CHIC2: variants seen among roughly 807,000 people sequenced by gnomAD.
The protein encoded by CHIC2 is cysteine-rich hydrophobic domain-containing protein 2.
Under a neutral mutation model 25.9 loss-of-function variants are expected in CHIC2, and 14 were observed. The ratio of observed to expected loss-of-function variants is 0.54; its 90% confidence interval spans 0.36 to 0.85. The LOEUF (loss-of-function observed/expected upper bound fraction) is 0.85, where lower values mean the gene tolerates loss of function less well. CHIC2 is among the 40% of genes least tolerant of loss of function. The pLI is 0.01. For missense variants in CHIC2, 146 were observed against 202.0 expected, an observed-to-expected ratio of 0.72 and a Z score of 1.68; for synonymous variants, 70 against 72.0, an observed-to-expected ratio of 0.97 and a Z score of 0.14.
intron 3 of CHIC2, among the ~76,000 whole-genome samples, chr4:54,030,320 C>T (rs1232488974): frequency 2.0e-5 from 3 of 151,800 alleles, no homozygotes; most frequent in Non-Finnish European, 2.9e-5. Flanking sequence ...GAGTTAAAGA[C>T]CAGCTGGGGT....
At chr4:54,080,130 ATATATATGTG>A in the CHIC2 span, among the ~76,000 whole-genome samples, 2 of 148,960 alleles carry the variant, frequency 1.3e-5, no homozygotes, top group Non-Finnish European at 3.0e-5. Context: ...ATATATACAT[ATATATATGTG>A]TATATATGTG....
chr4:54,035,126 T>C (rs563273635), intron 3 of CHIC2, among the ~76,000 whole-genome samples: 1 of 152,212 alleles, frequency 6.6e-6, no homozygotes, highest in Non-Finnish European at 1.5e-5. Flanking sequence ...CATGTTTTTG[T>C]TGGACTTGAT....
chr4:54,061,408 C>T (rs1560399569), intron 1 of CHIC2, among the ~76,000 whole-genome samples: 1 of 152,026 alleles, frequency 6.6e-6, no homozygotes, highest in Non-Finnish European at 1.5e-5. Context: ...CTGTGAAAAA[C>T]ATATGGATTG....
chr4:54,075,092 G>A, the CHIC2 span, among the ~76,000 whole-genome samples: 1 of 152,184 alleles, frequency 6.6e-6, no homozygotes, highest in South Asian at 2.1e-4. Flanking sequence ...CTGGGCAACA[G>A]AGTGAGACCC....
intron 3 of CHIC2, among the ~76,000 whole-genome samples, chr4:54,040,913 A>G (rs1350022705): frequency 6.6e-6 from 1 of 151,642 alleles, no homozygotes; most frequent in African/African-American, 2.4e-5. Flanking sequence ...AGAACAGAAT[A>G]AAAACAAGGT....
At chr4:54,060,868 G>A (rs957115487) in intron 1 of CHIC2, 7 of 152,074 alleles carry the variant, frequency 4.6e-5, no homozygotes, top group African/African-American at 1.7e-4. Context: ...TTAATTGAAT[G>A]GTGACTGTAA....
chr4:54,014,119 T>C lies in CHIC2; in HGVS notation c.331A>G (p.Thr111Ala), dbSNP rs765676146. The change falls in exon 4 of 6, where the codon ACA becomes GCA. Residue 111 changes from threonine (T) to alanine (A), a missense_variant and splice_region_variant. Physicochemically the swap from Thr to Ala is moderately conservative, Grantham distance 58 (BLOSUM62 0). Coordinates refer to ENST00000263921, the MANE Select transcript of CHIC2 (RefSeq NM_012110.4). ...MWPVICLSKR[T>A]RRSIEKLLEW... The stretch of plus-strand genomic sequence containing the variant: ...AATAACTTCTCAATCGATCTTCGTG[T>C]CTGGAAGACAAATGAGAAAAAAGTT... The C allele has an allele frequency of 1.2e-6, 2 of 1,613,124 alleles. No individual in the cohort carries two copies. The highest frequency in any genetic ancestry group is 2.2e-5 in the East Asian group (1 of 44,852).
chr4:54,076,795 A>G, the CHIC2 span: 1 of 152,272 alleles, frequency 6.6e-6, no homozygotes, highest in Non-Finnish European at 1.5e-5. Flanking sequence ...CTATGATTCC[A>G]TGAAAGATTT....
chr4:54,045,704 G>A (rs1230587822), intron 3 of CHIC2, among the ~76,000 whole-genome samples: 10 of 144,708 alleles, frequency 6.9e-5, no homozygotes, highest in East Asian at 2.1e-4. Flanking sequence ...TACTGAATGG[G>A]CAAAAACTGG....
chr4:54,052,076 G>A (rs537412490), intron 1 of CHIC2, among the ~76,000 whole-genome samples: 13 of 152,228 alleles, frequency 8.5e-5, no homozygotes, highest in African/African-American at 2.9e-4. Context: ...ATTTGGCACA[G>A]GCCACAGCAA....
intron 5 of CHIC2, among the ~76,000 whole-genome samples, chr4:54,012,158 C>T (rs1350821650): frequency 2.6e-5 from 4 of 151,706 alleles, no homozygotes; most frequent in African/African-American, 2.4e-5. Context: ...TGCTATGTTA[C>T]CCAAACTGTC....
the CHIC2 span, among the ~76,000 whole-genome samples, chr4:54,091,873 C>A: frequency 6.6e-6 from 1 of 152,226 alleles, no homozygotes; most frequent in African/African-American, 2.4e-5. Context: ...TGCGCGCAGA[C>A]ACACTCAAGG....
intron 3 of CHIC2, among the ~76,000 whole-genome samples, chr4:54,019,569 G>C (rs988244609): frequency 1.6e-4 from 25 of 152,078 alleles, no homozygotes; most frequent in African/African-American, 6.0e-4. Context: ...AGGTTATACT[G>C]GTTATGAATT....
chr4:54,023,610 T>A (rs1030920099), intron 3 of CHIC2, among the ~76,000 whole-genome samples: 1 of 152,106 alleles, frequency 6.6e-6, no homozygotes, highest in African/African-American at 2.4e-5. Context: ...CCCATCCTGA[T>A]CACACTCAGT....
chr4:54,015,184 T>C (rs932828685), intron 3 of CHIC2, among the ~76,000 whole-genome samples: 1 of 152,144 alleles, frequency 6.6e-6, no homozygotes, highest in African/African-American at 2.4e-5. Flanking sequence ...GTCACATAGA[T>C]GCCAATTATA....
chr4:54,091,636 A>G, the CHIC2 span, among the ~76,000 whole-genome samples: 21 of 152,176 alleles, frequency 1.4e-4, no homozygotes, highest in African/African-American at 4.6e-4. Flanking sequence ...ATCACCACTA[A>G]AGAACCTATC....
At chr4:54,082,352 A>G in the CHIC2 span, among the ~76,000 whole-genome samples, 1 of 152,236 alleles carries the variant, frequency 6.6e-6, no homozygotes, top group Non-Finnish European at 1.5e-5. Context: ...AGCCAGGACC[A>G]GGCCCTAAAC....
At chr4:54,080,746 ACT>A in the CHIC2 span, among the ~76,000 whole-genome samples, 1 of 143,340 alleles carries the variant, frequency 7.0e-6, no homozygotes, top group South Asian at 2.2e-4. Flanking sequence ...ACAGAGTGAG[ACT>A]CTGTCTCAAA....
intron 3 of CHIC2, among the ~76,000 whole-genome samples, chr4:54,045,727 T>A (rs906007589): frequency 2.6e-5 from 4 of 151,946 alleles, no homozygotes; most frequent in African/African-American, 9.7e-5. Context: ...GCATTCCCTT[T>A]GAAAACTGGC....
Sources: gnomAD v4.1 joint callset for allele counts (sites outside exome capture counted in the v4.1 genomes callset) on GRCh38, gnomAD v4.1.1 for gene constraint, MANE v1.5 for transcripts, NCBI Gene and HGNC (gene_info 2026-07-23, HGNC 2026-07-21) for gene names.